IFFO2: variants seen among roughly 807,000 people sequenced by gnomAD.
IFFO2 encodes intermediate filament family orphan 2.
Under a neutral mutation model 53.5 loss-of-function variants are expected in IFFO2, and 19 were observed. The observed-to-expected ratio is 0.36, with a 90% CI of 0.25 to 0.52. IFFO2 has a LOEUF of 0.52. Ranked by LOEUF, IFFO2 falls within the 20% of genes least tolerant of loss-of-function variation. The pLI is 0.94. For missense variants in IFFO2, 570 were observed against 727.4 expected (o/e 0.78, Z 2.49); for synonymous variants, 303 against 313.6 (o/e 0.97, Z 0.36).
Position 18,904,546 on chromosome 1 carries a change from A to C in IFFO2, c.*4015T>G, listed in dbSNP as rs1233579930. On this transcript the variant is annotated 3_prime_UTR_variant, in exon 9 of 9. Coordinates refer to ENST00000455833, the MANE Select transcript of IFFO2 (RefSeq NM_001136265.2). ...ACATCCACAAGGGGTCTTGCAGGGA[A>C]GGGCTTTGCCTCATTTCTTTGAGGG... The C allele has an allele frequency of 2.6e-5, 4 of 152,166 alleles. No individual in the cohort carries two copies. Among genetic ancestry groups the C allele is most frequent in the Non-Finnish European group, 5.9e-5 (4 of 68,050 alleles). 9.4% of individuals were successfully genotyped at this position (152,166 alleles called of 1,614,324 possible). A position where few individuals can be genotyped will look rare whatever the true frequency, so the allele number is the denominator to read the frequency against.
intron 1 of IFFO2, among the ~76,000 whole-genome samples, chr1:18,938,574 C>A (rs1936478877): frequency 6.6e-6 from 1 of 152,230 alleles, no homozygotes; most frequent in South Asian, 2.1e-4. Flanking sequence ...GCGTAACCAC[C>A]AGCAGGCCTC....
chr1:18,925,747 G>T (rs72645635), intron 1 of IFFO2, among the ~76,000 whole-genome samples: 1 of 149,774 alleles, frequency 6.7e-6, no homozygotes, highest in South Asian at 2.1e-4. Context: ...GACATTTATC[G>T]AATGGATTGG....
chr1:18,928,470 A>G lies in IFFO2; in HGVS notation c.666-7349T>C, dbSNP rs976588021. Among the ~76,000 whole-genome samples the G allele has an allele frequency of 6.6e-6, 1 of 152,242 alleles. No homozygotes were observed. Among genetic ancestry groups the G allele is most frequent in the Admixed American group, 6.5e-5 (1 of 15,288 alleles). On this transcript the variant is annotated intron_variant, in intron 1 of 8. Coordinates refer to ENST00000455833, the MANE Select transcript of IFFO2 (RefSeq NM_001136265.2). The surrounding 1 kb of genome is among the most constrained non-coding windows in gnomAD (Gnocchi z 4.9). ...CTGAGCAGGACGGAGCACAGGCTGT[A>G]CACTGAGGATGGGGGCCAGGTTTGA...
Position 18,956,033 on chromosome 1 carries a change from G to C in IFFO2, c.300C>G (p.Thr100=). The change falls in exon 1 of 9, where the codon ACC becomes ACG. Residue 100 remains threonine, a synonymous_variant. Transcript: ENST00000455833. This position sits in a 1 kb window ranked among gnomAD's most constrained non-coding sequence, Gnocchi z 6.4. The part of the protein sequence containing the change: ...SERERRLRYK[T]FSREQAVQTG... ...TCTGCACGGCCTGCTCGCGGGAGAA[G>C]GTCTTGTAGCGCAGCCGCCGCTCGC... 5 of 1,453,550 alleles carry C rather than the reference G, an allele frequency of 3.4e-6. No homozygotes were observed. The highest frequency in any genetic ancestry group is 4.6e-6 in the Non-Finnish European group (5 of 1,088,618). 90.0% of individuals were successfully genotyped at this position (1,453,550 alleles called of 1,614,324 possible).
chr1:18,916,928 CAT>C lies in IFFO2; in HGVS notation c.1076_1077del (p.Asp359GlyfsTer7). 3.9e-6 allele frequency: 6 copies of C among 1,551,934 alleles called. No homozygotes were observed. Among genetic ancestry groups the C allele is most frequent in the Non-Finnish European group, 5.2e-6 (6 of 1,147,050 alleles). On this transcript the variant is annotated frameshift_variant, in exon 5 of 9. Coordinates refer to ENST00000455833, the MANE Select transcript of IFFO2 (RefSeq NM_001136265.2). LOFTEE classifies it high-confidence loss of function. This position sits in a 1 kb window ranked among gnomAD's most constrained non-coding sequence, Gnocchi z 4.3. ...DDEVGSMNIT[D>X]EMKRMFNQLR... Reference sequence around the variant, plus strand: ...AGCTGGTTAAACATGCGCTTCATCTCATCGGTGATGTTCATGGAGCCGACCTC... The same window carrying C: ...AGCTGGTTAAACATGCGCTTCATCTCCGGTGATGTTCATGGAGCCGACCTC...
intron 1 of IFFO2, among the ~76,000 whole-genome samples, chr1:18,941,741 A>G (rs1936525021): frequency 6.6e-6 from 1 of 152,212 alleles, no homozygotes; most frequent in Admixed American, 6.5e-5. Flanking sequence ...TCCTGGCCCT[A>G]CCTCATAGTG....
At chr1:18,948,813 T>C (rs28481874) in intron 1 of IFFO2, among the ~76,000 whole-genome samples, 120,608 of 152,264 alleles carry the variant, frequency 0.79, 48,897 homozygotes, top group East Asian at 0.94. Context: ...AGCACAGATC[T>C]GCCTCTGTAG....
At position 18,956,666 on chromosome 1, in the gene IFFO2, C is replaced by T. The variant is rs1034601330; in HGVS notation, c.-334G>A. On this transcript the variant is annotated 5_prime_UTR_variant, in exon 1 of 9. Transcript: ENST00000455833. The surrounding 1 kb of genome is among the most constrained non-coding windows in gnomAD (Gnocchi z 6.4). Reference sequence around the variant, plus strand: ...GCGGCAGCCGCACGCAGAGGACTCTCGGCCGGCACTGCCCCTTCTGCGGCG... The same window carrying T: ...GCGGCAGCCGCACGCAGAGGACTCTTGGCCGGCACTGCCCCTTCTGCGGCG... 6.6e-6 allele frequency: 1 copy of T among 152,220 alleles called. No individual in the cohort carries two copies. The highest frequency in any genetic ancestry group is 2.4e-5 in the African/African-American group (1 of 41,408). The allele number at this position is 152,220 out of a possible 1,614,324, so 9.4% of individuals were successfully genotyped here. A position where few individuals can be genotyped will look rare whatever the true frequency, so the allele number is the denominator to read the frequency against.
intron 1 of IFFO2, 138 bp downstream of exon 1, chr1:18,955,530 A>C: frequency 7.7e-7 from 1 of 1,303,370 alleles, no homozygotes; most frequent in Non-Finnish European, 1.0e-6. Flanking sequence ...GGCGTACGTA[A>C]GACGCTCTGC....
intron 5 of IFFO2, among the ~76,000 whole-genome samples, chr1:18,912,534 A>G (rs1286728120): frequency 6.6e-6 from 1 of 152,214 alleles, no homozygotes; most frequent in Non-Finnish European, 1.5e-5. Context: ...AACTGTCTAA[A>G]GCCACACAGC....
chr1:18,910,252 TTGG>T, intron 8 of IFFO2, 87 bp downstream of exon 8: 1 of 1,417,640 alleles, frequency 7.1e-7, no homozygotes, highest in Non-Finnish European at 9.6e-7. Flanking sequence ...GAGAGACAGG[TTGG>T]GAGCATGACA....
chr1:18,913,153 G>C (rs1936065411), intron 5 of IFFO2, among the ~76,000 whole-genome samples: 2 of 152,254 alleles, frequency 1.3e-5, no homozygotes. Flanking sequence ...CCAATGGACT[G>C]GGTTGGGGAC....
At chr1:18,943,379 T>TA (rs890092447) in intron 1 of IFFO2, among the ~76,000 whole-genome samples, 6 of 151,606 alleles carry the variant, frequency 4.0e-5, no homozygotes, top group Admixed American at 6.6e-5. Context: ...GACCCTGTCT[T>TA]AAAAAAAATG....
chr1:18,918,372 T>C lies in IFFO2; in HGVS notation c.953A>G (p.Lys318Arg). 6.4e-7 allele frequency: 1 copy of C among 1,551,756 alleles called. No individual in the cohort carries two copies. Among genetic ancestry groups the C allele is most frequent in the South Asian group, 1.2e-5 (1 of 84,058 alleles). The change falls in exon 4 of 9, where the codon AAG (lysine) becomes AGG (arginine). Residue 318 changes from lysine to arginine, a missense_variant. Lys to Arg is a conservative substitution (Grantham distance 26, BLOSUM62 2). Transcript: ENST00000455833. The surrounding 1 kb of genome is among the most constrained non-coding windows in gnomAD (Gnocchi z 5.2). ...GGCAGCCCTAGTCACCTGGAAGATC[T>C]TGGACACGTCTTCTGAGTTCCGCTG... ...AQQRNSEDVS[K>R]IFQVVPKKKE...
Position 18,916,853 on chromosome 1 carries a change from T to C in IFFO2, c.1103+50A>G, listed in dbSNP as rs1008036324. On this transcript the variant is annotated intron_variant, in intron 5 of 8. Transcript: ENST00000455833. This position sits in a 1 kb window ranked among gnomAD's most constrained non-coding sequence, Gnocchi z 4.3. The stretch of plus-strand genomic sequence containing the variant: ...CCAAGCCTCCCATTCACCGCCCCTG[T>C]GCAAGCAATCCGGGGAAACGGAGAG... The C allele has an allele frequency of 3.2e-6, 5 of 1,544,806 alleles. No homozygotes were observed. In the South Asian group the frequency reaches 4.8e-5, roughly 15 times the overall value.
intron 1 of IFFO2, among the ~76,000 whole-genome samples, chr1:18,942,600 C>T (rs1212448343): frequency 6.6e-6 from 1 of 152,164 alleles, no homozygotes; most frequent in Non-Finnish European, 1.5e-5. Context: ...GAGTTCCCAC[C>T]CAAGAGAAGG....
chr1:18,949,387 G>A (rs1240731222), intron 1 of IFFO2, among the ~76,000 whole-genome samples: 1 of 152,244 alleles, frequency 6.6e-6, no homozygotes, highest in Non-Finnish European at 1.5e-5. Context: ...ATCGGGAGGT[G>A]GTGGGTGCTT....
Position 18,904,811 on chromosome 1 carries a change from C to T in IFFO2, c.*3750G>A, listed in dbSNP as rs77038531. On this transcript the variant is annotated 3_prime_UTR_variant, in exon 9 of 9. Transcript: ENST00000455833. The stretch of plus-strand genomic sequence containing the variant: ...ACCCCCAGCACCCTGATCCCTCCCC[C>T]CAGGGCCCTGGGGGGAACATAGCAA... 0.023 allele frequency: 3,486 copies of T among 152,266 alleles called. 63 individuals are homozygous for T. Among genetic ancestry groups the T allele is most frequent in the Non-Finnish European group, 0.038 (2,566 of 68,082 alleles). The allele number at this position is 152,266 out of a possible 1,614,324, so 9.4% of individuals were successfully genotyped here.
At position 18,908,572 on chromosome 1, in the gene IFFO2, T is replaced by C. The variant is rs748530349; in HGVS notation, c.1543A>G (p.Met515Val). Residue 515 changes from methionine to valine, a missense_variant, in exon 9 of 9, where the codon ATG becomes GTG. Physicochemically the swap from Met to Val is conservative, Grantham distance 21. Transcript: ENST00000455833. Reference protein sequence around the residue: ...EFEREADVEPMVS With the variant: ...EFEREADVEPVVS ...CAGGGCCTCAGTCATCAGCTGACCA[T>C]GGGCTCCACATCCGCCTCGCGCTCG... The C allele has an allele frequency of 1.9e-6, 3 of 1,551,230 alleles. No individual in the cohort carries two copies. Among genetic ancestry groups the C allele is most frequent in the East Asian group, 2.4e-5 (1 of 40,884 alleles).
Sources: allele counts gnomAD v4.1 joint callset (sites outside exome capture counted in the v4.1 genomes callset), GRCh38; gene constraint gnomAD v4.1.1; non-coding constraint Gnocchi (gnomAD v3.1); transcripts MANE v1.5; gene names NCBI Gene and HGNC (gene_info 2026-07-23, HGNC 2026-07-21).